Variants in EXPH5 observed in about 807,000 individuals in gnomAD.
EXPH5 encodes the protein exophilin-5.
EXPH5 carries 42 observed loss-of-function variants against 41.1 expected under a neutral mutation model. That is an observed-to-expected ratio of 1.02 (90% CI 0.80 to 1.32). The LOEUF is 1.32. Ranked by LOEUF, EXPH5 falls within the 40% of genes most tolerant of loss-of-function variation. EXPH5 has a pLI of 0.00. For synonymous variants in EXPH5, 798 were observed against 833.5 expected (o/e 0.96, Z 0.73); for missense variants, 2,298 against 2,314.5 (o/e 0.99, Z 0.15).
At chr11:108,565,894 C>T (rs1258069103) in intron 1 of EXPH5, among the ~76,000 whole-genome samples, 1 of 152,216 alleles carries the variant, frequency 6.6e-6, no homozygotes, top group Non-Finnish European at 1.5e-5. Context: ...GTTTACAATG[C>T]CCTTTCTACA....
chr11:108,591,857 T>G (rs1231482362), intron 1 of EXPH5, among the ~76,000 whole-genome samples: 1 of 152,210 alleles, frequency 6.6e-6, no homozygotes, highest in Non-Finnish European at 1.5e-5. Flanking sequence ...AGATAACATC[T>G]TAAATGAAAG....
At chr11:108,554,166 T>G (rs201123347) in intron 1 of EXPH5, among the ~76,000 whole-genome samples, 1 of 151,276 alleles carries the variant, frequency 6.6e-6, no homozygotes, top group Admixed American at 6.6e-5. Context: ...TGGGTTCAAG[T>G]GATTCTCCTG....
Position 108,569,671 on chromosome 11 carries a change from C to T in EXPH5, c.119+23747G>A, listed in dbSNP as rs114909088. Among the ~76,000 whole-genome samples the T allele has an allele frequency of 8.9e-3, 1,358 of 152,294 alleles. 18 individuals carry two copies. Among genetic ancestry groups the T allele is most frequent in the African/African-American group, 0.03 (1,257 of 41,544 alleles). On this transcript the variant is annotated intron_variant, in intron 1 of 5. Coordinates refer to ENST00000265843, the MANE Select transcript of EXPH5 (RefSeq NM_015065.3). The stretch of plus-strand genomic sequence containing the variant: ...ACTGTTTTTAAACCCACCTCCTTCA[C>T]GGCATTGAAAGCTTACAAAGAACAT...
chr11:108,550,311 C>A (rs888162523), intron 1 of EXPH5, among the ~76,000 whole-genome samples: 1 of 152,172 alleles, frequency 6.6e-6, no homozygotes, highest in Admixed American at 6.5e-5. Context: ...GGCAGAGAGC[C>A]ATTGCCAACT....
At chr11:108,577,730 A>G (rs1337985214) in intron 1 of EXPH5, among the ~76,000 whole-genome samples, 1 of 152,118 alleles carries the variant, frequency 6.6e-6, no homozygotes, top group African/African-American at 2.4e-5. Context: ...GCCAGATAAT[A>G]GCCATTTTAA....
At chr11:108,566,718 C>T (rs2094036349) in intron 1 of EXPH5, among the ~76,000 whole-genome samples, 1 of 152,058 alleles carries the variant, frequency 6.6e-6, no homozygotes, top group African/African-American at 2.4e-5. Flanking sequence ...TAAATAATCC[C>T]AGCCCCTCTG....
At chr11:108,521,720 A>G (rs2093765985) in intron 4 of EXPH5, among the ~76,000 whole-genome samples, 1 of 152,204 alleles carries the variant, frequency 6.6e-6, no homozygotes, top group Non-Finnish European at 1.5e-5. Context: ...TATTAGTGAT[A>G]ATAACAATTA....
chr11:108,592,530 A>T (rs769925636), intron 1 of EXPH5, among the ~76,000 whole-genome samples: 79 of 152,334 alleles, frequency 5.2e-4, no homozygotes, highest in Non-Finnish European at 9.4e-4. Context: ...TTCCACAGTT[A>T]TCTAGAGAAG....
At chr11:108,520,794 C>T (rs2135957833) in intron 4 of EXPH5, among the ~76,000 whole-genome samples, 1 of 152,272 alleles carries the variant, frequency 6.6e-6, no homozygotes, top group African/African-American at 2.4e-5. Context: ...GTCTTGAACT[C>T]CTGACCTCAG....
intron 1 of EXPH5, among the ~76,000 whole-genome samples, chr11:108,557,921 A>G (rs762776035): frequency 2.6e-5 from 4 of 152,084 alleles, no homozygotes; most frequent in East Asian, 1.9e-4. Flanking sequence ...ACTAGAGGCT[A>G]TCAAGGATGC....
intron 1 of EXPH5, among the ~76,000 whole-genome samples, chr11:108,589,338 G>A (rs2136126622): frequency 6.6e-6 from 1 of 152,244 alleles, no homozygotes; most frequent in East Asian, 1.9e-4. Context: ...AATGTGTAGG[G>A]GAGGCAGGAG....
At chr11:108,598,527 G>T (rs1000485546), upstream of EXPH5, among the ~76,000 whole-genome samples, 12 of 54,018 alleles carry the variant, frequency 2.2e-4, no homozygotes, top group Non-Finnish European at 8.7e-4. Flanking sequence ...ACGCTATGAA[G>T]AAAATTAACA....
chr11:108,558,150 C>A (rs2136072813), intron 1 of EXPH5, among the ~76,000 whole-genome samples: 1 of 152,232 alleles, frequency 6.6e-6, no homozygotes, highest in South Asian at 2.1e-4. Flanking sequence ...ACCATGTTGT[C>A]CAGGCTGGTC....
chr11:108,532,309 C>A (rs1311905566), intron 3 of EXPH5, among the ~76,000 whole-genome samples: 1 of 124,888 alleles, frequency 8.0e-6, no homozygotes, highest in Admixed American at 8.8e-5. Context: ...TCCTGAGTAG[C>A]TAGGACTACT....
At chr11:108,529,635 A>G (rs2093823827) in intron 3 of EXPH5, among the ~76,000 whole-genome samples, 3 of 152,256 alleles carry the variant, frequency 2.0e-5, no homozygotes, top group South Asian at 4.1e-4. Context: ...ACTTGAGGCC[A>G]GGAGTTCGAG....
chr11:108,512,515 C>A lies in EXPH5; in HGVS notation c.2992G>T (p.Asp998Tyr). 2 of 1,613,958 alleles carry A rather than the reference C, an allele frequency of 1.2e-6. No individual in the cohort carries two copies. Among genetic ancestry groups the A allele is most frequent in the South Asian group, 1.1e-5 (1 of 91,046 alleles). ...TTTGCTTCAATGAGGCTCCTGTGAT[C>A]ACTGGTGGGTACTGATATACTTTCT... is the stretch of plus-strand genomic sequence containing the variant. ...KTESISVPTS[D>Y]HRSLIEANQS... Residue 998 changes from aspartate to tyrosine, a missense_variant, in exon 6 of 6, where the codon GAT becomes TAT. Asp to Tyr is a radical substitution (Grantham distance 160). Coordinates refer to ENST00000265843, the MANE Select transcript of EXPH5 (RefSeq NM_015065.3).
rs1046898214 is a variant in EXPH5, at chr11:108,589,064, CTTG to C, written c.119+4351_119+4353del. ...ACACTTGTGACTTCCAGGCATTGTT[CTTG>C]TTGTCCCTTTTCCAGGCCACACAGG... On this transcript the variant is annotated intron_variant, in intron 1 of 5. Transcript: ENST00000265843. Among the ~76,000 whole-genome samples the C allele has an allele frequency of 6.8e-4, 103 of 152,210 alleles. 1 individual carries two copies. Among genetic ancestry groups the C allele is most frequent in the African/African-American group, 2.4e-3 (98 of 41,454 alleles).
At chr11:108,549,384 G>A (rs12271580) in intron 1 of EXPH5, among the ~76,000 whole-genome samples, 4,148 of 152,196 alleles carry the variant, frequency 0.027, 178 homozygotes, top group African/African-American at 0.091. Context: ...CTTATGTTCC[G>A]ATTCCTGAGT....
At chr11:108,573,703 C>T (rs2094070508) in intron 1 of EXPH5, among the ~76,000 whole-genome samples, 1 of 151,956 alleles carries the variant, frequency 6.6e-6, no homozygotes, top group South Asian at 2.1e-4. Context: ...AACTTATAGA[C>T]AAAATATATG....
Sources: allele counts gnomAD v4.1 joint callset (sites outside exome capture counted in the v4.1 genomes callset), GRCh38; gene constraint gnomAD v4.1.1; transcripts MANE v1.5; gene names NCBI Gene and HGNC (gene_info 2026-07-23, HGNC 2026-07-21).